Variants in ST6GALNAC5 observed in about 807,000 individuals in gnomAD.
The protein encoded by ST6GALNAC5 is alpha-N-acetylgalactosaminide alpha-2,6-sialyltransferase 5.
In ST6GALNAC5, 27 loss-of-function variants were observed where a neutral mutation model predicts 33.6. That is an observed-to-expected ratio of 0.80 (90% CI 0.59 to 1.11). The LOEUF (loss-of-function observed/expected upper bound fraction) is 1.11, where lower values mean the gene tolerates loss of function less well. ST6GALNAC5 is among the 50% of genes least tolerant of loss of function. ST6GALNAC5 has a pLI of 0.00. For synonymous variants in ST6GALNAC5, 194 were observed against 171.2 expected (o/e 1.13, Z -1.04); for missense variants, 428 against 454.0 (o/e 0.94, Z 0.52).
intron 1 of ST6GALNAC5, 107 bp downstream of exon 1, chr1:76,867,797 G>A (rs1370351110): frequency 6.5e-7 from 1 of 1,531,938 alleles, no homozygotes; most frequent in Non-Finnish European, 9.0e-7. Context: ...GGGCCGCGAG[G>A]TCGCCTGTTA....
In ST6GALNAC5 at chr1:77,011,908, C is replaced by T. The variant is rs188596067; in HGVS notation, c.262-32296C>T. Among the ~76,000 whole-genome samples the T allele has an allele frequency of 8.1e-4, 124 of 152,210 alleles. 1 individual carries two copies. Among genetic ancestry groups the T allele is most frequent in the African/African-American group, 2.8e-3 (116 of 41,518 alleles). On this transcript the variant is annotated intron_variant, in intron 2 of 4. Coordinates refer to ENST00000477717, the MANE Select transcript of ST6GALNAC5 (RefSeq NM_030965.3). ...TTCTGAATGCTTTTACATACATTAT[C>T]GCAATTAATCTTCACAATGACTTTT...
chr1:77,012,344 C>A (rs1423840880), intron 2 of ST6GALNAC5, among the ~76,000 whole-genome samples: 1 of 152,180 alleles, frequency 6.6e-6, no homozygotes, highest in Non-Finnish European at 1.5e-5. Context: ...CAGTTGCTGA[C>A]ATGAGTATGG....
intron 2 of ST6GALNAC5, among the ~76,000 whole-genome samples, chr1:76,971,930 C>A: frequency 6.6e-6 from 1 of 152,170 alleles, no homozygotes; most frequent in East Asian, 1.9e-4. Context: ...TTTAGACCTG[C>A]ATTCATCCAG....
rs548150489 is a variant in ST6GALNAC5, at chr1:77,030,512, C to T, written c.262-13692C>T. The stretch of plus-strand genomic sequence containing the variant: ...AGTTGGACCTGGTTTTTATTGTCGT[C>T]GTCAATAGAAATAGAAAGAGTCCAT... On this transcript the variant is annotated intron_variant, in intron 2 of 4. Transcript: ENST00000477717. Among the ~76,000 whole-genome samples, 14 of 152,158 alleles carry T rather than the reference C, an allele frequency of 9.2e-5. No individual in the cohort carries two copies. In the East Asian group the frequency reaches 1.7e-3, roughly 19 times the overall value.
rs549586828 is a variant in ST6GALNAC5 at position 76,880,238 on chromosome 1, A to T, written c.261+11496A>T. 3.3e-5 allele frequency among the ~76,000 whole-genome samples: 5 copies of T among 152,342 alleles called. No individual in the cohort carries two copies. The South Asian group carries it at 1.0e-3, about 32-fold the overall frequency. On this transcript the variant is annotated intron_variant, in intron 2 of 4. Coordinates refer to ENST00000477717, the MANE Select transcript of ST6GALNAC5 (RefSeq NM_030965.3). ...GGAGTGTCAAATGCATTTATTTTGC[A>T]TAACTCTCTAAACAGTTTATGCCAA...
intron 2 of ST6GALNAC5, among the ~76,000 whole-genome samples, chr1:76,963,211 A>C (rs1648315682): frequency 1.3e-5 from 2 of 152,222 alleles, no homozygotes; most frequent in African/African-American, 4.8e-5. Flanking sequence ...CACATTAAAG[A>C]ATGTGGCTAA....
At chr1:76,989,999 C>T (rs770916130) in intron 2 of ST6GALNAC5, among the ~76,000 whole-genome samples, 7 of 152,084 alleles carry the variant, frequency 4.6e-5, no homozygotes, top group African/African-American at 7.2e-5. Flanking sequence ...AATTCAGTTG[C>T]TTTTAGAAAA....
intron 2 of ST6GALNAC5, among the ~76,000 whole-genome samples, chr1:76,990,490 T>G (rs1297992379): frequency 1.3e-5 from 2 of 152,096 alleles, no homozygotes; most frequent in East Asian, 3.9e-4. Context: ...TCTGTCTTCT[T>G]TGGTGCTCAT....
chr1:76,997,276 C>CA (rs1649975044), intron 2 of ST6GALNAC5, among the ~76,000 whole-genome samples: 1 of 152,050 alleles, frequency 6.6e-6, no homozygotes. Context: ...TTCGTAGTTA[C>CA]AAGACAGGGT....
intron 2 of ST6GALNAC5, among the ~76,000 whole-genome samples, chr1:76,914,184 C>A (rs370473374): frequency 2.6e-5 from 4 of 151,968 alleles, no homozygotes; most frequent in East Asian, 1.9e-4. Flanking sequence ...TCAATGAAAT[C>A]AAAGAGGATA....
At chr1:77,006,193 T>C (rs1231384216) in intron 2 of ST6GALNAC5, among the ~76,000 whole-genome samples, 4 of 152,146 alleles carry the variant, frequency 2.6e-5, no homozygotes, top group African/African-American at 9.7e-5. Context: ...CTTCTTCTGT[T>C]GCCCAGGCTA....
chr1:77,031,022 A>G (rs897517622), intron 2 of ST6GALNAC5, among the ~76,000 whole-genome samples: 3 of 152,246 alleles, frequency 2.0e-5, no homozygotes, highest in African/African-American at 7.2e-5. Context: ...CATTGTGCAC[A>G]TAAAAGGGAA....
chr1:77,026,380 A>G (rs1651235921), intron 2 of ST6GALNAC5, among the ~76,000 whole-genome samples: 2 of 152,198 alleles, frequency 1.3e-5, no homozygotes, highest in Non-Finnish European at 2.9e-5. Flanking sequence ...AATTGCATTT[A>G]AAATTGCCTT....
At chr1:76,937,026 G>A (rs1253599232) in intron 2 of ST6GALNAC5, among the ~76,000 whole-genome samples, 2 of 148,744 alleles carry the variant, frequency 1.3e-5, no homozygotes, top group Non-Finnish European at 3.0e-5. Flanking sequence ...GACATATTTT[G>A]GATACATTCC....
At chr1:76,985,657 C>T (rs1391069121) in intron 2 of ST6GALNAC5, among the ~76,000 whole-genome samples, 1 of 152,052 alleles carries the variant, frequency 6.6e-6, no homozygotes, top group Non-Finnish European at 1.5e-5. Flanking sequence ...TGGAAAACTA[C>T]TTTAAAGTTC....
chr1:77,048,763 C>T (rs1287809155), intron 3 of ST6GALNAC5, among the ~76,000 whole-genome samples: 1 of 152,208 alleles, frequency 6.6e-6, no homozygotes, highest in African/African-American at 2.4e-5. Context: ...GAAGAGATGT[C>T]AACGTACCAA....
At chr1:76,985,044 C>T (rs927997741) in intron 2 of ST6GALNAC5, among the ~76,000 whole-genome samples, 2 of 152,092 alleles carry the variant, frequency 1.3e-5, no homozygotes, top group Admixed American at 1.3e-4. Context: ...TATGACAAAC[C>T]CACACCCAAT....
chr1:76,949,131 A>G (rs1056641223), intron 2 of ST6GALNAC5, among the ~76,000 whole-genome samples: 2 of 152,144 alleles, frequency 1.3e-5, no homozygotes, highest in East Asian at 3.9e-4. Flanking sequence ...CATCACACAC[A>G]AAAATGCCTT....
At chr1:76,951,405 A>G (rs1647737289) in intron 2 of ST6GALNAC5, among the ~76,000 whole-genome samples, 1 of 152,110 alleles carries the variant, frequency 6.6e-6, no homozygotes, top group South Asian at 2.1e-4. Context: ...ATTCTCACTC[A>G]TAAGTGGGAG....
Sources: gnomAD v4.1 joint callset for allele counts (sites outside exome capture counted in the v4.1 genomes callset) on GRCh38, gnomAD v4.1.1 for gene constraint, MANE v1.5 for transcripts, NCBI Gene and HGNC (gene_info 2026-07-23, HGNC 2026-07-21) for gene names.